The following TJP1 variants were observed in gnomAD, a reference collection of about 807,000 sequenced individuals.
TJP1 encodes the protein tight junction protein ZO-1.
Under a neutral mutation model 194.2 loss-of-function variants are expected in TJP1, and 43 were observed. The ratio of observed to expected loss-of-function variants is 0.22; its 90% CI spans 0.17 to 0.29. The LOEUF is 0.29. Ranked by LOEUF, TJP1 falls within the 10% of genes least tolerant of loss-of-function variation. The probability of loss-of-function intolerance (pLI) is 1.00; values close to 1 mark genes in which losing one functional copy is unlikely to be tolerated. For synonymous variants in TJP1, 801 were observed against 779.0 expected (o/e 1.03, Z -0.47); for missense variants, 1,971 against 2,185.7 (o/e 0.90, Z 1.96).
chr15:29,822,481 G>C (rs1404450975), upstream of TJP1: 5 of 984,910 alleles, frequency 5.1e-6, no homozygotes, highest in South Asian at 9.4e-5. Context: ...AAACCTGCCG[G>C]CCCGGCCCAC....
At chr15:29,899,408 T>C (rs771454276) in intron 2 of TJP1, among the ~76,000 whole-genome samples, 1 of 152,236 alleles carries the variant, frequency 6.6e-6, no homozygotes, top group Non-Finnish European at 1.5e-5. Flanking sequence ...TTTAATCATA[T>C]GTTATCCTCC....
Position 29,701,700 on chromosome 15 carries a change from A to C in TJP1, c.5213-11T>G. 1.2e-6 allele frequency: 2 copies of C among 1,605,684 alleles called. No homozygotes were observed. The highest frequency in any genetic ancestry group is 8.5e-7 in the Non-Finnish European group (1 of 1,172,438). Reference sequence around the variant, plus strand: ...AGGTTTTAGGATCACCTATGAGAGAAAAGAAGTTGATGTCATTTACAGTTC... The same window carrying C: ...AGGTTTTAGGATCACCTATGAGAGACAAGAAGTTGATGTCATTTACAGTTC... On this transcript the variant is annotated splice_polypyrimidine_tract_variant and intron_variant, in intron 27 of 27. Coordinates refer to ENST00000614355, the MANE Select transcript of TJP1 (RefSeq NM_001330239.4).
chr15:29,822,271 C>T lies in TJP1; in HGVS notation c.-243G>A. 8.7e-7 allele frequency: 1 copy of T among 1,155,066 alleles called. No homozygotes were observed. The highest frequency in any genetic ancestry group is 1.1e-6 in the Non-Finnish European group (1 of 938,252). 71.6% of individuals were successfully genotyped at this position (1,155,066 alleles called of 1,614,324 possible). On this transcript the variant is annotated 5_prime_UTR_variant, in exon 1 of 28. Coordinates refer to ENST00000614355, the MANE Select transcript of TJP1 (RefSeq NM_001330239.4). ...CCCGACCGGCACCTCCCTCCGAGCG[C>T]GGCCACCCACTCGGCCTCCCGCAGC...
intron 2 of TJP1, among the ~76,000 whole-genome samples, chr15:29,950,129 TCCACCACCACCACAACCACCACCTCCA>T (rs2055655694): frequency 5.0e-5 from 1 of 20,110 alleles, no homozygotes; most frequent in African/African-American, 2.7e-4. Context: ...AACCACCACC[TCCACCACCACCACAACCACCACCTCCA>T]CCACCACCAC....
chr15:29,848,652 G>A (rs2051513992), intron 2 of TJP1, among the ~76,000 whole-genome samples: 1 of 152,122 alleles, frequency 6.6e-6, no homozygotes, highest in Non-Finnish European at 1.5e-5. Context: ...ACAAGGTCAA[G>A]AGATTGAGAC....
In TJP1 at chr15:29,882,940, C is replaced by T. The variant is rs552115719; in HGVS notation, c.306+73292G>A. 7.2e-5 allele frequency among the ~76,000 whole-genome samples: 11 copies of T among 152,224 alleles called. No individual in the cohort carries two copies. In the East Asian group the frequency reaches 1.9e-3, roughly 27 times the overall value. On this transcript the variant is annotated intron_variant, in intron 2 of 28. Coordinates refer to the TJP1 transcript ENST00000356107. The stretch of plus-strand genomic sequence containing the variant: ...CTTCTTGCTGCCCCTTTTGATTCTG[C>T]CACTCTTAGGACTTCTACATGAAAG...
chr15:29,798,208 T>A (rs2048539473), intron 2 of TJP1, among the ~76,000 whole-genome samples: 1 of 151,534 alleles, frequency 6.6e-6, no homozygotes, highest in Non-Finnish European at 1.5e-5. Context: ...TGGCCTCGGG[T>A]AATCCACCAG....
At chr15:29,890,773 C>G (rs1281710843) in intron 2 of TJP1, among the ~76,000 whole-genome samples, 3 of 150,902 alleles carry the variant, frequency 2.0e-5, no homozygotes, top group African/African-American at 7.3e-5. Flanking sequence ...GAAAGGTAAT[C>G]TTATTTCACT....
intron 1 of TJP1, among the ~76,000 whole-genome samples, chr15:29,805,738 T>C (rs1166034741): frequency 2.0e-5 from 3 of 152,198 alleles, no homozygotes; most frequent in African/African-American, 7.2e-5. Context: ...TAAATAACTT[T>C]TGCACCACAT....
At chr15:29,877,799 CTGGGAT>C (rs2052765273) in intron 2 of TJP1, among the ~76,000 whole-genome samples, 3 of 151,470 alleles carry the variant, frequency 2.0e-5, no homozygotes, top group Non-Finnish European at 4.4e-5. Context: ...GCTGGGATTA[CTGGGAT>C]TACAGGCGCG....
intron 2 of TJP1, among the ~76,000 whole-genome samples, chr15:29,924,447 C>T (rs2054463181): frequency 6.6e-6 from 1 of 152,090 alleles, no homozygotes; most frequent in Non-Finnish European, 1.5e-5. Context: ...CCATAATATG[C>T]CCATACAAGA....
chr15:29,914,809 T>C (rs1175967455), intron 2 of TJP1, among the ~76,000 whole-genome samples: 1 of 152,042 alleles, frequency 6.6e-6, no homozygotes, highest in Non-Finnish European at 1.5e-5. Flanking sequence ...CACTGAGAAC[T>C]ACGGCACGCT....
At chr15:29,702,606 C>T (rs534461352) in intron 27 of TJP1, among the ~76,000 whole-genome samples, 1 of 152,174 alleles carries the variant, frequency 6.6e-6, no homozygotes, top group East Asian at 1.9e-4. Flanking sequence ...TATTCCACGA[C>T]GAACAGGAGG....
intron 26 of TJP1, among the ~76,000 whole-genome samples, chr15:29,705,312 T>C (rs984761232): frequency 1.3e-5 from 2 of 152,226 alleles, no homozygotes; most frequent in East Asian, 3.8e-4. Flanking sequence ...ATTTTTTATT[T>C]CACACCAAAA....
chr15:29,861,735 T>C (rs2052089018), intron 2 of TJP1, among the ~76,000 whole-genome samples: 1 of 152,170 alleles, frequency 6.6e-6, no homozygotes, highest in South Asian at 2.1e-4. Flanking sequence ...ACACTGTGGG[T>C]TGTCTTTTCA....
Position 29,766,480 on chromosome 15 carries a change from A to C in TJP1, c.375T>G (p.Ser125=). ...CATCATAACTATCTTCTTCATTATC[A>C]GATACTGGTTCAGGATCAGGACGAC... ...PVSRPDPEPV[S]DNEEDSYDEE... The change falls in exon 5 of 28, where the codon TCT becomes TCG. Residue 125 remains serine, a synonymous_variant. Coordinates refer to ENST00000614355, the MANE Select transcript of TJP1 (RefSeq NM_001330239.4). 6.2e-7 allele frequency: 1 copy of C among 1,611,644 alleles called. No homozygotes were observed. Among genetic ancestry groups the C allele is most frequent in the South Asian group, 1.1e-5 (1 of 90,600 alleles).
chr15:29,903,540 G>A (rs2053702337), intron 2 of TJP1, among the ~76,000 whole-genome samples: 1 of 152,006 alleles, frequency 6.6e-6, no homozygotes, highest in Non-Finnish European at 1.5e-5. Flanking sequence ...TGCCTCCCGG[G>A]TTCACGCCAT....
At chr15:29,925,883 G>C (rs972209254) in intron 2 of TJP1, among the ~76,000 whole-genome samples, 11 of 152,192 alleles carry the variant, frequency 7.2e-5, no homozygotes, top group African/African-American at 2.2e-4. Flanking sequence ...CCTTTCTCTA[G>C]TGGCCTGCAT....
intron 25 of TJP1, among the ~76,000 whole-genome samples, chr15:29,706,123 G>A (rs1006380765): frequency 1.3e-5 from 2 of 151,936 alleles, no homozygotes; most frequent in Non-Finnish European, 2.9e-5. Context: ...GTAGAGATGG[G>A]GTTTCACCAT....
Sources: allele counts gnomAD v4.1 joint callset (sites outside exome capture counted in the v4.1 genomes callset), GRCh38; gene constraint gnomAD v4.1.1; transcripts MANE v1.5; gene names NCBI Gene and HGNC (gene_info 2026-07-23, HGNC 2026-07-21).